Variants in MTCL1 observed in about 807,000 individuals in gnomAD.
The protein encoded by MTCL1 is microtubule cross-linking factor 1.
In MTCL1, 79 loss-of-function variants were observed where a neutral mutation model predicts 141.4. That is an observed-to-expected ratio of 0.56 (90% CI 0.47 to 0.67). The LOEUF is 0.67. Among genes scored for constraint, MTCL1 ranks in the 30% least tolerant of loss-of-function variants. The probability of loss-of-function intolerance (pLI) is 0.00; values close to 1 mark genes in which losing one functional copy is unlikely to be tolerated. For synonymous variants in MTCL1, 914 were observed against 875.8 expected (o/e 1.04, Z -0.77); for missense variants, 2,177 against 2,113.9 (o/e 1.03, Z -0.59).
At chr18:8,746,840 C>T (rs150326676) in intron 4 of MTCL1, among the ~76,000 whole-genome samples, 8 of 152,090 alleles carry the variant, frequency 5.3e-5, no homozygotes, top group East Asian at 1.9e-4. Context: ...AATATATACC[C>T]GAGGACCGCG....
At chr18:8,789,262 A>G (rs957426360) in intron 7 of MTCL1, among the ~76,000 whole-genome samples, 15 of 152,350 alleles carry the variant, frequency 9.8e-5, no homozygotes, top group Non-Finnish European at 1.9e-4. Flanking sequence ...TATGCCAAGT[A>G]TTTGCACTCA....
rs1445516377 is a variant in MTCL1, at chr18:8,793,261, C to T, written c.2010+141C>T. Reference sequence around the variant, plus strand: ...CCTGGGCACGTATGGAAAGGTCACCCAGTCAAGCTGTCCCCTCTCAGACAC... The same window carrying T: ...CCTGGGCACGTATGGAAAGGTCACCTAGTCAAGCTGTCCCCTCTCAGACAC... On this transcript the variant is annotated intron_variant, in intron 8 of 16. Transcript: ENST00000359865. 4.3e-6 allele frequency: 5 copies of T among 1,168,802 alleles called. No individual in the cohort carries two copies. In the African/African-American group the frequency reaches 6.2e-5, roughly 14 times the overall value. 72.4% of individuals were successfully genotyped at this position (1,168,802 alleles called of 1,614,324 possible).
At chr18:8,814,796 C>T (rs1317826970) in intron 12 of MTCL1, among the ~76,000 whole-genome samples, 2 of 152,144 alleles carry the variant, frequency 1.3e-5, no homozygotes, top group African/African-American at 4.8e-5. Flanking sequence ...GCCATGGTGG[C>T]TTGTTGGACT....
chr18:8,812,147 A>C (rs969804136), intron 11 of MTCL1, among the ~76,000 whole-genome samples: 1 of 152,194 alleles, frequency 6.6e-6, no homozygotes, highest in Non-Finnish European at 1.5e-5. Flanking sequence ...GAAAATAATG[A>C]GTTTTATATT....
intron 12 of MTCL1, among the ~76,000 whole-genome samples, chr18:8,816,886 G>A (rs867852173): frequency 6.6e-6 from 1 of 152,110 alleles, no homozygotes; most frequent in African/African-American, 2.4e-5. Context: ...ACTCCTATAG[G>A]AAACCCTCCC....
At chr18:8,826,721 T>C (rs1355113479) in intron 15 of MTCL1, among the ~76,000 whole-genome samples, 1 of 152,152 alleles carries the variant, frequency 6.6e-6, no homozygotes, top group Non-Finnish European at 1.5e-5. Context: ...TGGGCTGGCT[T>C]CCTTACAAAA....
chr18:8,720,920 C>G (rs1379747936), intron 4 of MTCL1, among the ~76,000 whole-genome samples: 3 of 151,242 alleles, frequency 2.0e-5, no homozygotes, highest in Non-Finnish European at 2.9e-5. Context: ...GCTTTTTTCT[C>G]CAGAGTCTTC....
chr18:8,817,660 C>T (rs1406538497), intron 12 of MTCL1, among the ~76,000 whole-genome samples: 2 of 152,160 alleles, frequency 1.3e-5, no homozygotes, highest in African/African-American at 4.8e-5. Flanking sequence ...ATGAATTGAT[C>T]TGCATTCAAG....
intron 10 of MTCL1, among the ~76,000 whole-genome samples, chr18:8,804,895 G>A (rs2076240903): frequency 6.6e-6 from 1 of 151,780 alleles, no homozygotes; most frequent in Admixed American, 6.6e-5. Flanking sequence ...GGAGTGTGAG[G>A]TGGGAGGACT....
At chr18:8,798,383 C>A in intron 10 of MTCL1, 92 bp downstream of exon 9, 1 of 1,105,812 alleles carries the variant, frequency 9.0e-7, no homozygotes, top group Non-Finnish European at 1.2e-6. Flanking sequence ...CCAGTGTTGG[C>A]ATTCAGGTAG....
chr18:8,831,754 G>A (rs1328551038), exon 17 of MTCL1: 58 of 1,550,334 alleles, frequency 3.7e-5, no homozygotes, highest in Non-Finnish European at 5.0e-5. Flanking sequence ...GACGTCCTTG[G>A]AGGAGCATGG....
At position 8,705,874 on chromosome 18, in the gene MTCL1, C is replaced by T; in HGVS notation, c.214C>T (p.Pro72Ser). 2.7e-6 allele frequency: 3 copies of T among 1,122,118 alleles called. No homozygotes were observed. The highest frequency in any genetic ancestry group is 3.3e-6 in the Non-Finnish European group (3 of 917,386). 69.5% of individuals were successfully genotyped at this position (1,122,118 alleles called of 1,614,324 possible). Reference sequence around the variant, plus strand: ...CCCCTCCTCGGGCCGAGCCCCGGCTCCCGCCGCCCCGCGCTCGCCCAACCT... The same window carrying T: ...CCCCTCCTCGGGCCGAGCCCCGGCTTCCGCCGCCCCGCGCTCGCCCAACCT... The change falls in exon 1 of 14, where the codon CCC (proline) becomes TCC (serine). Residue 72 changes from proline (P) to serine (S), a missense_variant. Physicochemically the swap from Pro to Ser is moderately conservative, Grantham distance 74. Coordinates refer to the MTCL1 transcript ENST00000306329. This position sits in a 1 kb window ranked among gnomAD's most constrained non-coding sequence, Gnocchi z 5.2.
At chr18:8,743,645 T>C (rs903746288) in intron 4 of MTCL1, among the ~76,000 whole-genome samples, 17 of 152,262 alleles carry the variant, frequency 1.1e-4, no homozygotes, top group Non-Finnish European at 1.9e-4. Context: ...TTTCTTCATC[T>C]TCAAAGCCAG....
chr18:8,706,140 C>G, exon 1 of MTCL1: 1 of 1,217,982 alleles, frequency 8.2e-7, no homozygotes, highest in Non-Finnish European at 1.0e-6. Flanking sequence ...CCAAGGGCCG[C>G]AAAGCCAAGC....
intron 4 of MTCL1, among the ~76,000 whole-genome samples, chr18:8,727,878 G>A (rs1375090060): frequency 2.4e-5 from 3 of 125,204 alleles, no homozygotes; most frequent in African/African-American, 9.4e-5. Context: ...CTCTCTCCCT[G>A]CTTCCCTCCC....
chr18:8,792,933 CT>C, intron 7 of MTCL1, 64 bp from the exon 7 acceptor site: 3 of 1,594,114 alleles, frequency 1.9e-6, no homozygotes, highest in Non-Finnish European at 2.6e-6. Flanking sequence ...GATGTCTGTC[CT>C]GCGTCGTCAC....
At chr18:8,776,722 G>GTTTAT (rs1243307925) in intron 4 of MTCL1, among the ~76,000 whole-genome samples, 3 of 142,678 alleles carry the variant, frequency 2.1e-5, no homozygotes, top group African/African-American at 7.7e-5. Context: ...GGAAACACTA[G>GTTTAT]TTATTTATTT....
At chr18:8,747,688 A>G (rs1433982088) in intron 4 of MTCL1, among the ~76,000 whole-genome samples, 1 of 152,200 alleles carries the variant, frequency 6.6e-6, no homozygotes, top group East Asian at 1.9e-4. Context: ...GCACTTGAAC[A>G]TATCTTCTTG....
At chr18:8,797,705 T>G (rs946877051) in intron 9 of MTCL1, among the ~76,000 whole-genome samples, 3 of 152,252 alleles carry the variant, frequency 2.0e-5, no homozygotes, top group South Asian at 4.1e-4. Context: ...CTTGAAAAAC[T>G]AATTCCGCCA....
Sources: allele counts gnomAD v4.1 joint callset (sites outside exome capture counted in the v4.1 genomes callset), GRCh38; gene constraint gnomAD v4.1.1; non-coding constraint Gnocchi (gnomAD v3.1); transcripts MANE v1.5; gene names NCBI Gene and HGNC (gene_info 2026-07-23, HGNC 2026-07-21).